Variants in EPB41L4A observed in about 807,000 individuals in gnomAD.
EPB41L4A encodes band 4.1-like protein 4A.
Under a neutral mutation model 108.6 loss-of-function variants are expected in EPB41L4A, and 100 were observed. The ratio of observed to expected loss-of-function variants is 0.92; its 90% CI spans 0.78 to 1.09. The LOEUF (loss-of-function observed/expected upper bound fraction) is 1.09. EPB41L4A is among the 50% of genes least tolerant of loss of function. The probability of loss-of-function intolerance (pLI) is 0.00; values close to 1 mark genes in which losing one functional copy is unlikely to be tolerated. For synonymous variants in EPB41L4A, 319 were observed against 289.0 expected, an observed-to-expected ratio of 1.10 and a Z score of -1.05; for missense variants, 1,030 against 842.7, an observed-to-expected ratio of 1.22 and a Z score of -2.75.
At chr5:112,231,210 T>C (rs1268305578) in intron 12 of EPB41L4A, among the ~76,000 whole-genome samples, 4 of 152,196 alleles carry the variant, frequency 2.6e-5, no homozygotes, top group African/African-American at 4.8e-5. Flanking sequence ...CAGAAAATCA[T>C]ACAGATATTA....
intron 12 of EPB41L4A, among the ~76,000 whole-genome samples, chr5:112,214,318 G>C (rs574159555): frequency 1.7e-4 from 26 of 152,330 alleles, no homozygotes; most frequent in African/African-American, 5.8e-4. Context: ...TTCAGGCACT[G>C]TTCCAGAAAA....
chr5:112,255,722 G>A (rs902717826), intron 9 of EPB41L4A, among the ~76,000 whole-genome samples: 2 of 152,076 alleles, frequency 1.3e-5, no homozygotes, highest in African/African-American at 4.8e-5. Context: ...GCTTCAAAAA[G>A]TAGCAGATGC....
At chr5:112,161,180 C>T (rs761573605), downstream of EPB41L4A, 5 of 235,578 alleles carry the variant, frequency 2.1e-5, no homozygotes, top group South Asian at 9.6e-5. Flanking sequence ...AAGGCCTTAC[C>T]GTATAACTGA....
intron 15 of EPB41L4A, among the ~76,000 whole-genome samples, chr5:112,199,155 C>G (rs1021119057): frequency 6.6e-6 from 1 of 152,188 alleles, no homozygotes; most frequent in Non-Finnish European, 1.5e-5. Context: ...TCTCTTGTAC[C>G]TAGTCCATTT....
At chr5:112,146,434 A>G in intron 12 of EPB41L4A, among the ~76,000 whole-genome samples, 1 of 152,214 alleles carries the variant, frequency 6.6e-6, no homozygotes, top group East Asian at 1.9e-4. Flanking sequence ...TCTGTGTCCC[A>G]CAGGAGCAGA....
chr5:112,196,641 T>C (rs1191105568), intron 15 of EPB41L4A: 3 of 151,698 alleles, frequency 2.0e-5, no homozygotes, highest in Non-Finnish European at 4.4e-5. Flanking sequence ...CAACTCTGTT[T>C]TTCATTCCAT....
intron 12 of EPB41L4A, 99 bp downstream of exon 12, chr5:112,234,535 A>AAAGAC: frequency 9.1e-7 from 1 of 1,096,738 alleles, no homozygotes; most frequent in East Asian, 2.7e-5. Context: ...ATTTCAATAG[A>AAAGAC]AAGACTGTAG....
At chr5:112,216,880 A>G (rs1345296459) in intron 12 of EPB41L4A, among the ~76,000 whole-genome samples, 2 of 152,238 alleles carry the variant, frequency 1.3e-5, no homozygotes, top group Non-Finnish European at 2.9e-5. Flanking sequence ...AGTATAGCAA[A>G]TTAGCAAAAT....
chr5:112,322,910 A>C (rs1755897668), intron 1 of EPB41L4A, among the ~76,000 whole-genome samples: 1 of 151,862 alleles, frequency 6.6e-6, no homozygotes, highest in Admixed American at 6.6e-5. Flanking sequence ...CAGAACAAAT[A>C]GGGCCTATGA....
chr5:112,373,591 A>G (rs1364442567), intron 1 of EPB41L4A, among the ~76,000 whole-genome samples: 1 of 152,248 alleles, frequency 6.6e-6, no homozygotes, highest in Non-Finnish European at 1.5e-5. Flanking sequence ...TCATGCTCAT[A>G]AAAATCCTAT....
chr5:112,330,850 G>A (rs1756517216), intron 1 of EPB41L4A, among the ~76,000 whole-genome samples: 1 of 152,106 alleles, frequency 6.6e-6, no homozygotes, highest in African/African-American at 2.4e-5. Flanking sequence ...CATCAAGAGT[G>A]ATTACCTTCG....
chr5:112,320,182 G>T (rs1755683576), intron 1 of EPB41L4A, among the ~76,000 whole-genome samples: 1 of 152,106 alleles, frequency 6.6e-6, no homozygotes, highest in South Asian at 2.1e-4. Flanking sequence ...CCTGCATCTT[G>T]CTCTCTTCTT....
intron 1 of EPB41L4A, among the ~76,000 whole-genome samples, chr5:112,353,441 T>C (rs1455316753): frequency 6.6e-6 from 1 of 151,984 alleles, no homozygotes; most frequent in African/African-American, 2.4e-5. Flanking sequence ...AGAACAACAC[T>C]TGGCTTCCAG....
intron 1 of EPB41L4A, among the ~76,000 whole-genome samples, chr5:112,328,436 T>C (rs1032925305): frequency 6.6e-6 from 1 of 152,228 alleles, no homozygotes; most frequent in African/African-American, 2.4e-5. Context: ...GGGATGTATA[T>C]CTGATAACCA....
intron 15 of EPB41L4A, among the ~76,000 whole-genome samples, chr5:112,200,468 T>C (rs1308550496): frequency 6.6e-6 from 1 of 152,192 alleles, no homozygotes; most frequent in East Asian, 1.9e-4. Context: ...TACCTTCATA[T>C]TATGTATTAA....
At chr5:112,281,460 T>C (rs1752961255) in intron 2 of EPB41L4A, among the ~76,000 whole-genome samples, 1 of 151,826 alleles carries the variant, frequency 6.6e-6, no homozygotes, top group South Asian at 2.1e-4. Flanking sequence ...AAAAGCAGAG[T>C]CAAAGGGATA....
intron 1 of EPB41L4A, 102 bp from the exon 2 acceptor site, chr5:112,307,592 G>T: frequency 8.5e-6 from 6 of 703,354 alleles, no homozygotes; most frequent in African/African-American, 1.8e-5. Flanking sequence ...CACAATAGCA[G>T]CAATTGTATC....
chr5:112,160,489 A>C (rs1162019668), downstream of EPB41L4A: 1 of 152,242 alleles, frequency 6.6e-6, no homozygotes, highest in African/African-American at 2.4e-5. Flanking sequence ...CTTTCGAATG[A>C]ATGACTCTAC....
In EPB41L4A at chr5:112,164,930, T is replaced by C. The variant is rs1208235619; in HGVS notation, c.*60A>G. On this transcript the variant is annotated 3_prime_UTR_variant, in exon 23 of 23. Coordinates refer to ENST00000261486, the MANE Select transcript of EPB41L4A (RefSeq NM_022140.5). ...TGAATTAAGATACCTATTTCACAGT[T>C]TCAAAAGTACCAGTGGCGCACACAA... The C allele has an allele frequency of 1.3e-6, 2 of 1,484,382 alleles. No individual in the cohort carries two copies. The highest frequency in any genetic ancestry group is 1.8e-6 in the Non-Finnish European group (2 of 1,114,814). 92.0% of individuals were successfully genotyped at this position (1,484,382 alleles called of 1,614,324 possible).
Sources: gnomAD v4.1 joint callset for allele counts (sites outside exome capture counted in the v4.1 genomes callset) on GRCh38, gnomAD v4.1.1 for gene constraint, MANE v1.5 for transcripts, NCBI Gene and HGNC (gene_info 2026-07-23, HGNC 2026-07-21) for gene names.